CSE1L: variants seen among roughly 807,000 people sequenced by gnomAD.
CSE1L encodes chromosome segregation 1 like.
A neutral mutation model predicts 120.4 loss-of-function variants in CSE1L; 24 were observed. That is an observed-to-expected ratio of 0.20 (90% CI 0.14 to 0.28). CSE1L has a LOEUF of 0.28. Ranked by LOEUF, CSE1L falls within the 10% of genes least tolerant of loss-of-function variation. The pLI is 1.00. For synonymous variants in CSE1L, 402 were observed against 398.3 expected (o/e 1.01, Z -0.11); for missense variants, 830 against 1,145.2 (o/e 0.72, Z 3.97).
intron 3 of CSE1L, among the ~76,000 whole-genome samples, chr20:49,063,719 GCTTTACT>G (rs2091869709): frequency 1.3e-5 from 2 of 152,202 alleles, no homozygotes; most frequent in African/African-American, 2.4e-5. Flanking sequence ...TGGAATTTAT[GCTTTACT>G]CACCGCCTAC....
intron 24 of CSE1L, among the ~76,000 whole-genome samples, chr20:49,095,993 C>T (rs2092137003): frequency 6.6e-6 from 1 of 152,088 alleles, no homozygotes; most frequent in Admixed American, 6.5e-5. Flanking sequence ...TCAATAATTA[C>T]CAATATCTTG....
intron 6 of CSE1L, 137 bp from the exon 7 acceptor site, chr20:49,068,578 G>A (rs1382657591): frequency 1.4e-5 from 8 of 588,926 alleles, no homozygotes; most frequent in Non-Finnish European, 1.8e-5. Flanking sequence ...CAGCCTGGAC[G>A]ACAGAGCAAG....
At chr20:49,062,575 T>C (rs1471923814) in intron 2 of CSE1L, among the ~76,000 whole-genome samples, 1 of 152,114 alleles carries the variant, frequency 6.6e-6, no homozygotes, top group East Asian at 1.9e-4. Context: ...AGCTTAGGGC[T>C]GGTAAGGTAA....
rs2092033596 is a variant in CSE1L, at chr20:49,083,974, C to T, written c.1483-52C>T. ...GTCCTTCTCTTCCAATTGTCTTTTA[C>T]TCAAATATGGAATCATTGCATTTAG... On this transcript the variant is annotated intron_variant, in intron 14 of 24. Transcript: ENST00000262982. 1.9e-6 allele frequency: 3 copies of T among 1,538,864 alleles called. No individual in the cohort carries two copies. In the African/African-American group the frequency reaches 4.1e-5, roughly 21 times the overall value.
intron 14 of CSE1L, among the ~76,000 whole-genome samples, chr20:49,082,520 T>G (rs1043397602): frequency 3.3e-5 from 5 of 152,194 alleles, no homozygotes; most frequent in African/African-American, 9.7e-5. Flanking sequence ...ACTTGTTTGT[T>G]TTGAGACGGA....
intron 2 of CSE1L, among the ~76,000 whole-genome samples, chr20:49,062,313 C>T (rs1192463554): frequency 1.3e-5 from 2 of 152,018 alleles, no homozygotes; most frequent in Non-Finnish European, 2.9e-5. Flanking sequence ...GGGACTCAGT[C>T]AGAAAGAGGG....
intron 6 of CSE1L, among the ~76,000 whole-genome samples, chr20:49,067,675 T>G (rs1053741904): frequency 3.9e-5 from 6 of 152,018 alleles, no homozygotes; most frequent in Non-Finnish European, 8.8e-5. Flanking sequence ...CTTTCCTGAA[T>G]GTGTTCTTGG....
chr20:49,064,194 C>G lies in CSE1L; in HGVS notation c.228+850C>G, dbSNP rs536152302. ...GAGCCAAAATGTCAGATTGAGAAAG[C>G]CTGGCTCATGATAGAGAAAAAGATG... On this transcript the variant is annotated intron_variant, in intron 3 of 24. Transcript: ENST00000262982. Among the ~76,000 whole-genome samples, 24 of 152,226 alleles carry G rather than the reference C, an allele frequency of 1.6e-4. No homozygotes were observed. In the South Asian group the frequency reaches 5.0e-3, roughly 32 times the overall value.
chr20:49,076,971 G>A lies in CSE1L; in HGVS notation c.1336-9G>A. 6.4e-7 allele frequency: 1 copy of A among 1,574,672 alleles called. No homozygotes were observed. Among genetic ancestry groups the A allele is most frequent in the Non-Finnish European group, 8.6e-7 (1 of 1,157,430 alleles). ...TGTTATTTTACTATGTTATGAATTT[G>A]CTTTTCAGCATGGAATTACACAAGC... On this transcript the variant is annotated splice_polypyrimidine_tract_variant and intron_variant, in intron 12 of 24. Coordinates refer to ENST00000262982, the MANE Select transcript of CSE1L (RefSeq NM_001316.4).
chr20:49,094,100 T>G (rs750274103), intron 22 of CSE1L, 40 bp from the exon 23 acceptor site: 3 of 1,229,548 alleles, frequency 2.4e-6, no homozygotes, highest in Non-Finnish European at 3.5e-6. Flanking sequence ...TTCATTATAG[T>G]GATAATCTAA....
chr20:49,062,639 A>G (rs1284327021), intron 2 of CSE1L, among the ~76,000 whole-genome samples: 1 of 152,086 alleles, frequency 6.6e-6, no homozygotes, highest in East Asian at 1.9e-4. Context: ...GTGATCTTGA[A>G]CAAGTTACTT....
intron 1 of CSE1L, among the ~76,000 whole-genome samples, chr20:49,056,398 C>T (rs969685192): frequency 3.9e-5 from 6 of 152,112 alleles, no homozygotes; most frequent in African/African-American, 1.4e-4. Context: ...GCAACCGCGC[C>T]CAGCCTAAAA....
Position 49,094,898 on chromosome 20 carries a change from G to A in CSE1L, c.2761G>A (p.Val921Met), listed in dbSNP as rs1343275870. ...KKEHDPVGQMVNNPKIHLAQS... is the reference protein window; with the variant it reads ...KKEHDPVGQMMNNPKIHLAQS... ...AGAGCATGATCCTGTAGGTCAAATG[G>A]TGAATAACCCCAAAATTCACCTGGC... The change falls in exon 24 of 25, where the codon GTG (valine) becomes ATG (methionine). Residue 921 changes from valine to methionine, a missense_variant. Val to Met is a conservative substitution (Grantham distance 21). Around this residue, in one of 4 missense-constraint regions of CSE1L, gnomAD observed 112 missense variants for 200.0 expected, o/e 0.56. Coordinates refer to ENST00000262982, the MANE Select transcript of CSE1L (RefSeq NM_001316.4). 1.2e-6 allele frequency: 2 copies of A among 1,614,034 alleles called. No homozygotes were observed. The highest frequency in any genetic ancestry group is 1.7e-6 in the Non-Finnish European group (2 of 1,180,044).
intron 13 of CSE1L, 86 bp downstream of exon 13, chr20:49,077,150 G>GTTT: frequency 5.9e-5 from 24 of 407,764 alleles, no homozygotes; most frequent in South Asian, 3.7e-4. Flanking sequence ...GTTCCCTTTT[G>GTTT]TTCTTTTTTT....
chr20:49,096,627 A>T lies in CSE1L; in HGVS notation c.*189A>T. 1.7e-6 allele frequency: 1 copy of T among 600,058 alleles called. No homozygotes were observed. 37.2% of individuals were successfully genotyped at this position (600,058 alleles called of 1,614,324 possible). On this transcript the variant is annotated 3_prime_UTR_variant, in exon 25 of 25. Coordinates refer to ENST00000262982, the MANE Select transcript of CSE1L (RefSeq NM_001316.4). The stretch of plus-strand genomic sequence containing the variant: ...AGTTGGTTTGTGTGATCATACAGTT[A>T]TGTGGGTGGCTTCTAGTTTGCAACT...
At chr20:49,076,281 G>A (rs1192979903) in intron 12 of CSE1L, among the ~76,000 whole-genome samples, 2 of 152,164 alleles carry the variant, frequency 1.3e-5, no homozygotes, top group Admixed American at 6.5e-5. Flanking sequence ...TCCGTTTGCC[G>A]GGTTCAAGTG....
At chr20:49,087,781 C>A (rs2092071486) in intron 16 of CSE1L, among the ~76,000 whole-genome samples, 2 of 152,102 alleles carry the variant, frequency 1.3e-5, no homozygotes, top group Non-Finnish European at 2.9e-5. Context: ...AAACCTTGAG[C>A]CTTCTAGAAA....
chr20:49,064,987 TCTC>T (rs2091879695), intron 3 of CSE1L, among the ~76,000 whole-genome samples: 1 of 151,294 alleles, frequency 6.6e-6, no homozygotes, highest in South Asian at 2.1e-4. Context: ...AGACCCCTCT[TCTC>T]TACAAAAAAA....
chr20:49,065,083 T>C (rs1291162547), intron 3 of CSE1L, among the ~76,000 whole-genome samples: 2 of 150,464 alleles, frequency 1.3e-5, no homozygotes, highest in East Asian at 3.9e-4. Flanking sequence ...GTCTTGAGTC[T>C]GGGAGGTGAA....
Sources: gnomAD v4.1 joint callset for allele counts (sites outside exome capture counted in the v4.1 genomes callset) on GRCh38, gnomAD v4.1.1 for gene constraint, gnomAD v4.1.1 regional missense constraint, MANE v1.5 for transcripts, NCBI Gene and HGNC (gene_info 2026-07-23, HGNC 2026-07-21) for gene names.